The following WIPF3 variants were observed in gnomAD, a reference collection of about 807,000 sequenced individuals.
WIPF3 encodes WAS/WASL-interacting protein family member 3.
WIPF3 carries 33 observed loss-of-function variants against 38.9 expected under a neutral mutation model. The observed-to-expected ratio is 0.85, with a 90% confidence interval of 0.64 to 1.14. WIPF3 has a LOEUF of 1.14. WIPF3 is among the 50% of genes most tolerant of loss of function. The pLI, the probability that WIPF3 is intolerant of heterozygous loss-of-function variation, is 0.00. For synonymous variants in WIPF3, 324 were observed against 269.3 expected, an observed-to-expected ratio of 1.20 and a Z score of -1.99; for missense variants, 711 against 652.5, an observed-to-expected ratio of 1.09 and a Z score of -0.98.
intron 1 of WIPF3, among the ~76,000 whole-genome samples, chr7:29,817,740 T>C (rs1222049490): frequency 1.3e-5 from 2 of 152,194 alleles, no homozygotes; most frequent in African/African-American, 4.8e-5. Context: ...CAAATGGTTT[T>C]AATGAATATG....
chr7:29,916,471 A>C lies in WIPF3; in HGVS notation c.*1955A>C, dbSNP rs946894292. 2 of 152,198 alleles carry C rather than the reference A, an allele frequency of 1.3e-5. No individual in the cohort carries two copies. The highest frequency in any genetic ancestry group is 2.9e-5 in the Non-Finnish European group (2 of 68,052). 9.4% of individuals were successfully genotyped at this position (152,198 alleles called of 1,614,324 possible). On this transcript the variant is annotated 3_prime_UTR_variant, in exon 9 of 9. Transcript: ENST00000242140. ...AGTGGCTCATGCAGGTAATCCCAGCATGGGAGGCTGAGGTGGGTGGATTAC... is the reference window on the plus strand; with the variant it reads ...AGTGGCTCATGCAGGTAATCCCAGCCTGGGAGGCTGAGGTGGGTGGATTAC...
chr7:29,849,546 A>G (rs1785058318), intron 2 of WIPF3, among the ~76,000 whole-genome samples: 1 of 152,184 alleles, frequency 6.6e-6, no homozygotes, highest in African/African-American at 2.4e-5. Context: ...ATATGGAAGA[A>G]TTTTCACCTT....
intron 8 of WIPF3, among the ~76,000 whole-genome samples, chr7:29,908,981 C>T (rs1032432725): frequency 6.7e-6 from 1 of 148,934 alleles, no homozygotes; most frequent in Non-Finnish European, 1.5e-5. Context: ...AATTATAAAT[C>T]AAGAACAGAA....
At chr7:29,807,757 G>C (rs1405969993) in intron 1 of WIPF3, among the ~76,000 whole-genome samples, 2 of 152,244 alleles carry the variant, frequency 1.3e-5, no homozygotes, top group Non-Finnish European at 2.9e-5. Flanking sequence ...GTAGCAGGAA[G>C]TTAGGCTGTC....
At chr7:29,879,311 A>G (rs528895109) in intron 4 of WIPF3, among the ~76,000 whole-genome samples, 171 bp downstream of exon 4, 1 of 152,324 alleles carries the variant, frequency 6.6e-6, no homozygotes, top group Admixed American at 6.5e-5. Flanking sequence ...AAAGTACAAA[A>G]TGGTTCTTGA....
intron 2 of WIPF3, among the ~76,000 whole-genome samples, chr7:29,864,009 G>A (rs1035563821): frequency 2.6e-5 from 4 of 152,012 alleles, no homozygotes; most frequent in Admixed American, 6.5e-5. Flanking sequence ...TTCCCAATCT[G>A]TTATGCCATT....
At chr7:29,904,989 T>C (rs1482758367) in intron 8 of WIPF3, 10 of 152,342 alleles carry the variant, frequency 6.6e-5, no homozygotes, top group Non-Finnish European at 7.3e-5. Context: ...TTAAAAGCCC[T>C]TTGTTTCTTT....
intron 8 of WIPF3, among the ~76,000 whole-genome samples, chr7:29,906,337 A>C (rs1000476711): frequency 2.0e-5 from 3 of 152,208 alleles, no homozygotes; most frequent in African/African-American, 7.2e-5. Context: ...AAATGGAAGT[A>C]TCAATAAAGA....
At chr7:29,894,944 T>G (rs971500771) in intron 7 of WIPF3, among the ~76,000 whole-genome samples, 16 of 152,034 alleles carry the variant, frequency 1.1e-4, no homozygotes, top group African/African-American at 2.6e-4. Flanking sequence ...TGTTGTTGTT[T>G]TTCGCTTTTG....
chr7:29,904,123 G>C (rs575441185), intron 7 of WIPF3, among the ~76,000 whole-genome samples, 163 bp from the exon 8 acceptor site: 16 of 152,228 alleles, frequency 1.1e-4, no homozygotes, highest in African/African-American at 3.9e-4. Context: ...CTGCATCCAT[G>C]GTCTTTGACA....
chr7:29,834,777 TG>T lies in WIPF3; in HGVS notation c.58del (p.Ala20LeufsTer12). 1 of 1,008,534 alleles carries T rather than the reference TG, an allele frequency of 9.9e-7. No individual in the cohort carries two copies. The highest frequency in any genetic ancestry group is 1.3e-6 in the Non-Finnish European group (1 of 793,494). 62.5% of individuals were successfully genotyped at this position (1,008,534 alleles called of 1,614,324 possible). On this transcript the variant is annotated frameshift_variant, in exon 2 of 9. Coordinates refer to ENST00000242140, the MANE Select transcript of WIPF3 (RefSeq NM_001080529.3). LOFTEE classifies it high-confidence loss of function. The stretch of plus-strand genomic sequence containing the variant: ...CCTCTGCCTCCACCTCCCCCGCCTC[TG>T]GGGGCTCCTCCCCCTCCCCCACCAT... ...PPPLPPPPPP[L>X]GAPPPPPPSA...
At chr7:29,908,583 A>G (rs1786444412) in intron 8 of WIPF3, among the ~76,000 whole-genome samples, 1 of 152,230 alleles carries the variant, frequency 6.6e-6, no homozygotes, top group Non-Finnish European at 1.5e-5. Flanking sequence ...TCCATTTGTT[A>G]GGCCACAAAT....
intron 1 of WIPF3, among the ~76,000 whole-genome samples, chr7:29,825,794 A>G (rs1784607389): frequency 1.3e-5 from 2 of 152,248 alleles, no homozygotes; most frequent in South Asian, 2.1e-4. Context: ...AGTAGGTTTC[A>G]TATTAGATGT....
In WIPF3 at chr7:29,875,481, C is replaced by CA. The variant is rs559964614; in HGVS notation, c.91-345dup. Among the ~76,000 whole-genome samples, 14 of 152,262 alleles carry CA rather than the reference C, an allele frequency of 9.2e-5. No individual in the cohort carries two copies. In the East Asian group the frequency reaches 2.7e-3, roughly 29 times the overall value. On this transcript the variant is annotated intron_variant, in intron 2 of 8. Coordinates refer to ENST00000242140, the MANE Select transcript of WIPF3 (RefSeq NM_001080529.3). ...TGGGGCACCAAGCAGGATGATCATT[C>CA]AAAACCTGAGAGCAGGGGCCAGGTA... is the stretch of plus-strand genomic sequence containing the variant.
intron 2 of WIPF3, among the ~76,000 whole-genome samples, chr7:29,837,731 A>G (rs769260530): frequency 3.7e-4 from 56 of 152,364 alleles, no homozygotes; most frequent in Non-Finnish European, 7.3e-4. Context: ...CGTCTTTAGC[A>G]TATAAAGAGC....
intron 7 of WIPF3, among the ~76,000 whole-genome samples, chr7:29,895,288 A>T (rs1463521604): frequency 6.6e-6 from 1 of 152,156 alleles, no homozygotes; most frequent in Non-Finnish European, 1.5e-5. Context: ...AGTAAGTGAA[A>T]CATATAATTA....
intron 2 of WIPF3, among the ~76,000 whole-genome samples, chr7:29,850,764 AC>A (rs1172233167): frequency 5.9e-5 from 9 of 152,150 alleles, no homozygotes; most frequent in Non-Finnish European, 1.0e-4. Flanking sequence ...ACCATGCCCC[AC>A]CTGGCACACA....
At chr7:29,825,607 CT>C (rs1784604131) in intron 1 of WIPF3, among the ~76,000 whole-genome samples, 1 of 152,288 alleles carries the variant, frequency 6.6e-6, no homozygotes, top group African/African-American at 2.4e-5. Flanking sequence ...GAACTCAGCC[CT>C]CATTTAAATG....
intron 5 of WIPF3, 39 bp downstream of exon 5, chr7:29,884,632 G>A (rs1463654013): frequency 1.3e-6 from 2 of 1,566,812 alleles, no homozygotes; most frequent in Non-Finnish European, 8.6e-7. Context: ...CTGGTGGAGT[G>A]CGATAAAATC....
Sources: allele counts gnomAD v4.1 joint callset (sites outside exome capture counted in the v4.1 genomes callset), GRCh38; gene constraint gnomAD v4.1.1; transcripts MANE v1.5; gene names NCBI Gene and HGNC (gene_info 2026-07-23, HGNC 2026-07-21).